The following HIVEP3 variants were observed in gnomAD, a reference collection of about 807,000 sequenced individuals.
HIVEP3 encodes transcription factor HIVEP3.
In HIVEP3, 49 loss-of-function variants were observed where a neutral mutation model predicts 152.8. The observed-to-expected ratio is 0.32, with a 90% CI of 0.26 to 0.41. HIVEP3 has a LOEUF of 0.41. Among genes scored for constraint, HIVEP3 ranks in the 10% least tolerant of loss-of-function variants. The pLI is 1.00. For synonymous variants in HIVEP3, 1,269 were observed against 1,289.0 expected (o/e 0.98, Z 0.33); for missense variants, 2,790 against 3,103.3 (o/e 0.90, Z 2.40).
chr1:41,598,172 G>A (rs1451750490), intron 3 of HIVEP3, among the ~76,000 whole-genome samples: 2 of 152,158 alleles, frequency 1.3e-5, no homozygotes, highest in Admixed American at 1.3e-4. Context: ...TTGTCTTCTG[G>A]CCATTTGTGT....
At chr1:41,942,465 C>T (rs1645050495) in intron 1 of HIVEP3, among the ~76,000 whole-genome samples, 1 of 152,192 alleles carries the variant, frequency 6.6e-6, no homozygotes, top group African/African-American at 2.4e-5. Flanking sequence ...TGATGACATA[C>T]CCTACTGGCA....
intron 1 of HIVEP3, among the ~76,000 whole-genome samples, chr1:42,019,436 A>G (rs953493016): frequency 1.3e-5 from 2 of 151,982 alleles, no homozygotes; most frequent in Non-Finnish European, 2.9e-5. Context: ...TCTTGTTTTC[A>G]ATGTAGAAAT....
chr1:41,987,836 G>A (rs187381861), intron 1 of HIVEP3, among the ~76,000 whole-genome samples: 1 of 152,262 alleles, frequency 6.6e-6, no homozygotes, highest in Non-Finnish European at 1.5e-5. Context: ...TATGGCGGAA[G>A]GGGAAGCAGG....
At chr1:41,677,861 T>C (rs1645980539) in intron 2 of HIVEP3, among the ~76,000 whole-genome samples, 1 of 152,184 alleles carries the variant, frequency 6.6e-6, no homozygotes, top group Non-Finnish European at 1.5e-5. Context: ...TGTTAATAGT[T>C]TCCAGATGGG....
chr1:41,570,455 C>T (rs1644236100), intron 5 of HIVEP3, among the ~76,000 whole-genome samples: 1 of 152,134 alleles, frequency 6.6e-6, no homozygotes, highest in South Asian at 2.1e-4. Context: ...GTAGTTCCTC[C>T]TGCATGCATT....
intron 1 of HIVEP3, among the ~76,000 whole-genome samples, chr1:41,998,451 G>A (rs1436996734): frequency 6.6e-6 from 1 of 152,130 alleles, no homozygotes; most frequent in Non-Finnish European, 1.5e-5. Flanking sequence ...ATGTCATGAT[G>A]TCATACTTTT....
intron 1 of HIVEP3, among the ~76,000 whole-genome samples, chr1:41,771,965 C>T (rs183587507): frequency 6.6e-6 from 1 of 152,204 alleles, no homozygotes; most frequent in African/African-American, 2.4e-5. Context: ...GCACCCAGTC[C>T]CTGGCAGGTT....
chr1:41,880,758 G>A (rs950395639), intron 1 of HIVEP3, among the ~76,000 whole-genome samples: 1 of 152,166 alleles, frequency 6.6e-6, no homozygotes, highest in Non-Finnish European at 1.5e-5. Context: ...TGGCCTCCTT[G>A]CTCTCCCTGC....
intron 2 of HIVEP3, among the ~76,000 whole-genome samples, chr1:41,650,831 G>A (rs538889332): frequency 4.6e-5 from 7 of 152,134 alleles, no homozygotes; most frequent in Admixed American, 1.3e-4. Context: ...ATCCTCCCAC[G>A]TTAAGACCTG....
intron 1 of HIVEP3, among the ~76,000 whole-genome samples, chr1:42,015,766 C>T (rs1645518380): frequency 2.0e-5 from 3 of 152,258 alleles, no homozygotes; most frequent in Admixed American, 1.3e-4. Flanking sequence ...AGGGAACACC[C>T]TAGCTGCCTA....
At chr1:41,902,090 G>A (rs1046539294) in intron 1 of HIVEP3, among the ~76,000 whole-genome samples, 1 of 152,154 alleles carries the variant, frequency 6.6e-6, no homozygotes, top group Non-Finnish European at 1.5e-5. Context: ...GAATGAGCCA[G>A]TGGTGAGGAG....
intron 6 of HIVEP3, among the ~76,000 whole-genome samples, chr1:41,522,716 C>T (rs567350659): frequency 1.3e-5 from 2 of 152,222 alleles, no homozygotes; most frequent in South Asian, 2.1e-4. Flanking sequence ...CTAGAAAGTA[C>T]GGGCTCCTGC....
At chr1:41,845,609 T>C (rs1031951481) in intron 1 of HIVEP3, among the ~76,000 whole-genome samples, 2 of 152,202 alleles carry the variant, frequency 1.3e-5, no homozygotes, top group Non-Finnish European at 2.9e-5. Flanking sequence ...ATATATGGTT[T>C]TATAGGCACA....
intron 5 of HIVEP3, among the ~76,000 whole-genome samples, chr1:41,562,410 A>G (rs7525695): frequency 0.024 from 3,603 of 152,110 alleles, 141 homozygotes; most frequent in African/African-American, 0.08. Flanking sequence ...ATGGCTAAAA[A>G]ATATTTGAAT....
intron 1 of HIVEP3, among the ~76,000 whole-genome samples, chr1:41,727,625 C>T (rs538044026): frequency 5.3e-5 from 8 of 152,362 alleles, no homozygotes; most frequent in Admixed American, 2.0e-4. Flanking sequence ...CCCCGCAGAC[C>T]GGTGTTTCCT....
chr1:41,557,455 A>C (rs1292303085), intron 5 of HIVEP3, among the ~76,000 whole-genome samples: 2 of 152,168 alleles, frequency 1.3e-5, no homozygotes, highest in African/African-American at 4.8e-5. Context: ...AAAACACTGC[A>C]CTGGGCTTTG....
chr1:41,510,973 T>C lies in HIVEP3; in HGVS notation c.6699A>G (p.Thr2233=). 1 of 1,613,454 alleles carries C rather than the reference T, an allele frequency of 6.2e-7. No individual in the cohort carries two copies. Among genetic ancestry groups the C allele is most frequent in the South Asian group, 1.1e-5 (1 of 91,072 alleles). The part of the protein sequence containing the change: ...SGFSGGGSDL[T]GAREAQERGR... ...CTCGCTCCTGGGCCTCCCGGGCCCC[T>C]GTCAGGTCGCTGCCACCCCCGGAGA... The change falls in exon 9 of 9, where the codon ACA becomes ACG. Residue 2233 remains threonine (T), a synonymous_variant. Coordinates refer to ENST00000372583, the MANE Select transcript of HIVEP3 (RefSeq NM_024503.5).
intron 1 of HIVEP3, among the ~76,000 whole-genome samples, chr1:41,914,295 T>C (rs1644838771): frequency 6.6e-6 from 1 of 152,172 alleles, no homozygotes; most frequent in South Asian, 2.1e-4. Context: ...GGGAATACCT[T>C]TTCTCCATCA....
At chr1:41,725,437 A>G (rs941450263) in intron 1 of HIVEP3, among the ~76,000 whole-genome samples, 2 of 152,238 alleles carry the variant, frequency 1.3e-5, no homozygotes, top group Non-Finnish European at 2.9e-5. Context: ...TCAATCTTCA[A>G]GGGCATGTGC....
Sources: gnomAD v4.1 joint callset for allele counts (sites outside exome capture counted in the v4.1 genomes callset) on GRCh38, gnomAD v4.1.1 for gene constraint, MANE v1.5 for transcripts, NCBI Gene and HGNC (gene_info 2026-07-23, HGNC 2026-07-21) for gene names.